Variants in PHF20L1 observed in about 807,000 individuals in gnomAD.
The protein encoded by PHF20L1 is PHD finger protein 20 like 1, also known as PHD finger protein 20-like protein 1.
Under a neutral mutation model 125.5 loss-of-function variants are expected in PHF20L1, and 44 were observed. The observed-to-expected ratio is 0.35, with a 90% CI of 0.28 to 0.45. The LOEUF (loss-of-function observed/expected upper bound fraction) is 0.45, where lower values mean the gene tolerates loss of function less well. Among genes scored for constraint, PHF20L1 ranks in the 20% least tolerant of loss-of-function variants. The pLI, the probability that PHF20L1 is intolerant of heterozygous loss-of-function variation, is 1.00. For synonymous variants in PHF20L1, 380 were observed against 403.1 expected, an observed-to-expected ratio of 0.94 and a Z score of 0.69; for missense variants, 1,012 against 1,217.2, an observed-to-expected ratio of 0.83 and a Z score of 2.51.
Position 132,832,366 on chromosome 8 carries a change from A to C in PHF20L1, c.1876A>C (p.Arg626=). 5.0e-6 allele frequency: 8 copies of C among 1,612,282 alleles called. No individual in the cohort carries two copies. The highest frequency in any genetic ancestry group is 6.8e-6 in the Non-Finnish European group (8 of 1,178,724). The part of the protein sequence containing the change: ...TEKTTTYQYP[R]AILSVDLSGE... ...GAAAACTACAACCTATCAGTACCCA[A>C]GGGCAATTCTATCCGTTGATCTTAG... The change falls in exon 15 of 21, where the codon AGG becomes CGG. Residue 626 remains arginine (R), a synonymous_variant. Coordinates refer to ENST00000395386, the MANE Select transcript of PHF20L1 (RefSeq NM_016018.5).
At chr8:132,811,845 TA>T in intron 9 of PHF20L1, 1 of 983,876 alleles carries the variant, frequency 1.0e-6, no homozygotes, top group Non-Finnish European at 1.2e-6. Context: ...TCTCCTGTTT[TA>T]AAATCTGAGC....
chr8:132,843,811 T>C, intron 19 of PHF20L1: 5 of 985,262 alleles, frequency 5.1e-6, no homozygotes, highest in South Asian at 4.7e-5. Flanking sequence ...TGTCCACTTA[T>C]ATCACCAGCT....
At chr8:132,816,018 T>C (rs981731953) in intron 10 of PHF20L1, 1 of 151,880 alleles carries the variant, frequency 6.6e-6, no homozygotes, top group Non-Finnish European at 1.5e-5. Context: ...GTCTTTTTCG[T>C]TTTGATTGTA....
chr8:132,805,484 C>T (rs2131579653), intron 8 of PHF20L1, among the ~76,000 whole-genome samples: 1 of 152,006 alleles, frequency 6.6e-6, no homozygotes, highest in East Asian at 1.9e-4. Flanking sequence ...AAATTGTGAA[C>T]ATATTTACCT....
At chr8:132,830,962 G>A (rs1013468647) in intron 14 of PHF20L1, among the ~76,000 whole-genome samples, 6 of 151,834 alleles carry the variant, frequency 4.0e-5, no homozygotes, top group Non-Finnish European at 7.4e-5. Flanking sequence ...CTTAGCTCTC[G>A]GCCTCCAGTC....
chr8:132,841,226 C>T (rs1837901732), intron 18 of PHF20L1, among the ~76,000 whole-genome samples: 1 of 152,004 alleles, frequency 6.6e-6, no homozygotes, highest in African/African-American at 2.4e-5. Context: ...ACGTCATGTG[C>T]TTTCATGTGA....
chr8:132,832,637 GT>G (rs1836896424), intron 15 of PHF20L1, among the ~76,000 whole-genome samples: 1 of 151,924 alleles, frequency 6.6e-6, no homozygotes, highest in African/African-American at 2.4e-5. Flanking sequence ...ACTTCTGTAG[GT>G]TTTTGCACAT....
At chr8:132,833,890 A>T (rs1445158541) in intron 15 of PHF20L1, among the ~76,000 whole-genome samples, 1 of 152,132 alleles carries the variant, frequency 6.6e-6, no homozygotes, top group African/African-American at 2.4e-5. Flanking sequence ...AGAACTGCCC[A>T]GAGAGTGTGT....
Position 132,775,394 on chromosome 8 carries a change from G to C in PHF20L1, c.-289G>C. The C allele has an allele frequency of 2.6e-6, 1 of 379,698 alleles. No individual in the cohort carries two copies. Among genetic ancestry groups the C allele is most frequent in the Non-Finnish European group, 4.6e-6 (1 of 216,548 alleles). 23.5% of individuals were successfully genotyped at this position (379,698 alleles called of 1,614,324 possible). ...CGGGGCCCGGCGTCGCGTCAGGGCT[G>C]GCCGGCGGCGGAGGCGGCGGCGGCG... On this transcript the variant is annotated 5_prime_UTR_variant, in exon 1 of 21. Coordinates refer to ENST00000395386, the MANE Select transcript of PHF20L1 (RefSeq NM_016018.5).
intron 14 of PHF20L1, among the ~76,000 whole-genome samples, chr8:132,828,282 A>G (rs1185194599): frequency 5.3e-5 from 8 of 151,982 alleles, no homozygotes; most frequent in Admixed American, 3.9e-4. Context: ...TCCTCATATT[A>G]ACCCTTTACA....
In PHF20L1 at chr8:132,842,741, G is replaced by T. The variant is rs1354483204; in HGVS notation, c.2614G>T (p.Asp872Tyr). 11 of 1,613,412 alleles carry T rather than the reference G, an allele frequency of 6.8e-6. No homozygotes were observed. The highest frequency in any genetic ancestry group is 9.3e-6 in the Non-Finnish European group (11 of 1,179,622). Residue 872 changes from aspartate to tyrosine, a missense_variant, in exon 19 of 21, where the codon GAC becomes TAC. Physicochemically the swap from Asp to Tyr is radical, Grantham distance 160 (BLOSUM62 -3). Around this residue, in one of 7 missense-constraint regions of PHF20L1, gnomAD observed 277 missense variants for 283.6 expected, o/e 0.98. Transcript: ENST00000395386. Reference sequence around the variant, plus strand: ...TCAAAAGCCACAAAGTTTTGGTCAGGACTGTAAATCTCTCGCAGACCCTGG... The same window carrying T: ...TCAAAAGCCACAAAGTTTTGGTCAGTACTGTAAATCTCTCGCAGACCCTGG... ...SYQKPQSFGQ[D>Y]CKSLADPGSS...
At chr8:132,822,877 TA>T (rs1458114673) in intron 12 of PHF20L1, among the ~76,000 whole-genome samples, 3 of 150,794 alleles carry the variant, frequency 2.0e-5, no homozygotes, top group Non-Finnish European at 3.0e-5. Flanking sequence ...AGAATGATCT[TA>T]AAAAATTAAA....
intron 2 of PHF20L1, among the ~76,000 whole-genome samples, chr8:132,783,144 G>C (rs1294665535): frequency 6.6e-6 from 1 of 152,016 alleles, no homozygotes; most frequent in African/African-American, 2.4e-5. Context: ...GAAATATAGA[G>C]TCAATTTAAA....
At chr8:132,785,362 C>A (rs986814328) in intron 2 of PHF20L1, among the ~76,000 whole-genome samples, 1 of 152,108 alleles carries the variant, frequency 6.6e-6, no homozygotes, top group African/African-American at 2.4e-5. Flanking sequence ...TTTTGCAATT[C>A]TAGTTTTGCT....
At position 132,848,236 on chromosome 8, in the gene PHF20L1, G is replaced by A. The variant is rs1838552060; in HGVS notation, c.*2313G>A. On this transcript the variant is annotated 3_prime_UTR_variant, in exon 21 of 21. Transcript: ENST00000395386. ...AATGAAATTTTTGCTCTGCTTATAT[G>A]TATACGAACTGGAAATCTGAATTTT... 6.6e-6 allele frequency: 1 copy of A among 152,108 alleles called. No individual in the cohort carries two copies. The highest frequency in any genetic ancestry group is 2.4e-5 in the African/African-American group (1 of 41,404). 9.4% of individuals were successfully genotyped at this position (152,108 alleles called of 1,614,324 possible). A position where few individuals can be genotyped will look rare whatever the true frequency, so the allele number is the denominator to read the frequency against.
chr8:132,810,814 T>C, intron 8 of PHF20L1: 1 of 439,860 alleles, frequency 2.3e-6, no homozygotes, highest in South Asian at 2.4e-5. Flanking sequence ...AGTGATTTAA[T>C]TGAGTAATAT....
Position 132,792,075 on chromosome 8 carries a change from T to C in PHF20L1, c.84-2335T>C, listed in dbSNP as rs180875770. On this transcript the variant is annotated intron_variant, in intron 2 of 20. Transcript: ENST00000395386. ...CTCACTTTGAGAAATGTTTCAAATA[T>C]ATAGAGTTGTATAGATTTAGAATAT... Among the ~76,000 whole-genome samples the C allele has an allele frequency of 2.0e-5, 3 of 152,302 alleles. No homozygotes were observed. The East Asian group carries it at 5.8e-4, about 29-fold the overall frequency.
chr8:132,806,680 A>G (rs1205762402), intron 8 of PHF20L1: 2 of 152,082 alleles, frequency 1.3e-5, no homozygotes, highest in South Asian at 2.1e-4. Flanking sequence ...GCCTTTTTAC[A>G]GTAGATTTCA....
intron 6 of PHF20L1, among the ~76,000 whole-genome samples, chr8:132,802,553 G>C (rs555402919): frequency 6.1e-4 from 93 of 151,848 alleles, no homozygotes; most frequent in African/African-American, 2.2e-3. Flanking sequence ...GACGGGACCA[G>C]TCTTTTATCA....
Sources: gnomAD v4.1 joint callset for allele counts (sites outside exome capture counted in the v4.1 genomes callset) on GRCh38, gnomAD v4.1.1 for gene constraint, gnomAD v4.1.1 regional missense constraint, MANE v1.5 for transcripts, NCBI Gene and HGNC (gene_info 2026-07-23, HGNC 2026-07-21) for gene names.